KLHDC4: variants seen among roughly 807,000 people sequenced by gnomAD.
The protein encoded by KLHDC4 is kelch domain containing 4.
KLHDC4 carries 90 observed loss-of-function variants against 62.4 expected under a neutral mutation model. The ratio of observed to expected loss-of-function variants is 1.44; its 90% CI spans 1.22 to 1.72. The LOEUF is 1.72. Ranked by LOEUF, KLHDC4 falls within the 40% of genes most tolerant of loss-of-function variation. The pLI is 0.00. For missense variants in KLHDC4, 1,025 were observed against 699.7 expected (o/e 1.47, Z -5.25); for synonymous variants, 386 against 284.4 (o/e 1.36, Z -3.59).
intron 5 of KLHDC4, among the ~76,000 whole-genome samples, chr16:87,731,890 G>A (rs1436559921): frequency 6.6e-6 from 1 of 152,164 alleles, no homozygotes; most frequent in Non-Finnish European, 1.5e-5. Flanking sequence ...GATGCACACA[G>A]CAATGTGAAT....
intron 5 of KLHDC4, among the ~76,000 whole-genome samples, chr16:87,733,953 A>G (rs1007919238): frequency 2.0e-5 from 3 of 152,212 alleles, no homozygotes; most frequent in African/African-American, 7.2e-5. Context: ...TAGATAATGC[A>G]TTCTTCCTCC....
chr16:87,742,559 T>C (rs1043914096), intron 5 of KLHDC4, among the ~76,000 whole-genome samples: 1 of 152,186 alleles, frequency 6.6e-6, no homozygotes, highest in African/African-American at 2.4e-5. Context: ...ACCCCGTCTA[T>C]GGTCCACAGC....
chr16:87,711,502 C>A lies in KLHDC4; in HGVS notation c.836-59G>T, dbSNP rs924159674. 9.5e-6 allele frequency: 14 copies of A among 1,467,330 alleles called. No individual in the cohort carries two copies. The South Asian group carries it at 1.7e-4, about 18-fold the overall frequency. 90.9% of individuals were successfully genotyped at this position (1,467,330 alleles called of 1,614,324 possible). A position where few individuals can be genotyped will look rare whatever the true frequency, so the allele number is the denominator to read the frequency against. On this transcript the variant is annotated intron_variant, in intron 8 of 11. Transcript: ENST00000270583. ...CACAAGGAAGGACCCTGAGAGCCAG[C>A]CCAGGACACGCTCAGGACCCCAGGT...
chr16:87,726,818 T>C lies in KLHDC4; in HGVS notation c.706A>G (p.Met236Val), dbSNP rs375062705. The C allele has an allele frequency of 6.2e-7, 1 of 1,609,754 alleles. No homozygotes were observed. The highest frequency in any genetic ancestry group is 1.3e-5 in the African/African-American group (1 of 74,364). The change falls in exon 7 of 12, where the codon ATG becomes GTG. Residue 236 changes from methionine (M) to valine (V), a missense_variant. Met to Val is a conservative substitution (Grantham distance 21). Transcript: ENST00000270583. ...ATGCCGCCCTGGGGAGTGACGGACATCTGGCAGCCTGATCTGGGTGTGGGC... is the reference window on the plus strand; with the variant it reads ...ATGCCGCCCTGGGGAGTGACGGACACCTGGCAGCCTGATCTGGGTGTGGGC... ...TGPTPRSGCQ[M>V]SVTPQGGIVV... is the part of the protein sequence containing the mutation.
intron 6 of KLHDC4, 117 bp from the exon 7 acceptor site, chr16:87,727,041 C>A (rs1317757570): frequency 9.6e-7 from 1 of 1,040,904 alleles, no homozygotes; most frequent in East Asian, 2.7e-5. Context: ...AAAACTCAAA[C>A]CATTTTTCTC....
downstream of KLHDC4, among the ~76,000 whole-genome samples, chr16:87,705,898 G>A (rs1261001582): frequency 6.6e-6 from 1 of 152,244 alleles, no homozygotes; most frequent in African/African-American, 2.4e-5. Flanking sequence ...GACCTTGATT[G>A]CCCAGCACTC....
Position 87,725,288 on chromosome 16 carries a change from G to A in KLHDC4, c.759+1477C>T, listed in dbSNP as rs1014245946. On this transcript the variant is annotated intron_variant, in intron 7 of 11. Coordinates refer to ENST00000270583, the MANE Select transcript of KLHDC4 (RefSeq NM_017566.4). ...CCTCACTGTGGGTCAATGACGCATA[G>A]GAAATTACCACCGACTACAGGCGCC... Among the ~76,000 whole-genome samples the A allele has an allele frequency of 2.6e-5, 4 of 152,142 alleles. No homozygotes were observed. In the East Asian group the frequency reaches 7.7e-4, roughly 29 times the overall value.
Position 87,709,313 on chromosome 16 carries a change from C to T in KLHDC4, c.1399G>A (p.Asp467Asn), listed in dbSNP as rs1276963700. Reference sequence around the variant, plus strand: ...TTCCACGCCTCCATCCTGTGCAGGTCCAGGCAGTGCAGGTCGCTGAGGGTG... The same window carrying T: ...TTCCACGCCTCCATCCTGTGCAGGTTCAGGCAGTGCAGGTCGCTGAGGGTG... ...QVTLSDLHCL[D>N]LHRMEAWKAL... Residue 467 changes from aspartate (D) to asparagine (N), a missense_variant, in exon 10 of 12, where the codon GAC becomes AAC. Coordinates refer to ENST00000270583, the MANE Select transcript of KLHDC4 (RefSeq NM_017566.4). 1.2e-6 allele frequency: 2 copies of T among 1,613,280 alleles called. No individual in the cohort carries two copies. The highest frequency in any genetic ancestry group is 1.1e-5 in the South Asian group (1 of 91,080).
chr16:87,732,480 T>G (rs955304477), intron 5 of KLHDC4, among the ~76,000 whole-genome samples: 3 of 152,062 alleles, frequency 2.0e-5, no homozygotes, highest in Non-Finnish European at 1.5e-5. Flanking sequence ...TATGTCTCAA[T>G]AAAACTGATA....
At chr16:87,704,714 A>G (rs2034456783), downstream of KLHDC4, among the ~76,000 whole-genome samples, 1 of 147,994 alleles carries the variant, frequency 6.8e-6, no homozygotes, top group Non-Finnish European at 1.5e-5. Flanking sequence ...CAACTCAATT[A>G]AAAAAAAAAT....
chr16:87,725,400 C>G (rs1337315110), intron 7 of KLHDC4, among the ~76,000 whole-genome samples: 1 of 152,110 alleles, frequency 6.6e-6, no homozygotes, highest in East Asian at 1.9e-4. Context: ...CTCTTGACCT[C>G]GTGAGCCGCC....
At chr16:87,704,020 G>C (rs1276163405), downstream of KLHDC4, among the ~76,000 whole-genome samples, 3 of 152,234 alleles carry the variant, frequency 2.0e-5, no homozygotes, top group Non-Finnish European at 4.4e-5. Context: ...CATGCACAAA[G>C]GCAGGCAGGC....
downstream of KLHDC4, among the ~76,000 whole-genome samples, chr16:87,704,522 G>A (rs1164874152): frequency 7.2e-6 from 1 of 139,844 alleles, no homozygotes; most frequent in African/African-American, 2.7e-5. Context: ...AGGCGCCTGG[G>A]GAGGGCCCTG....
At chr16:87,735,514 C>T (rs1036032470) in intron 5 of KLHDC4, among the ~76,000 whole-genome samples, 2 of 152,202 alleles carry the variant, frequency 1.3e-5, no homozygotes. Context: ...GCATGGGAAC[C>T]CCACCAGAGT....
At chr16:87,714,668 C>CT in intron 7 of KLHDC4, 95 bp from the exon 8 acceptor site, 2 of 1,308,832 alleles carry the variant, frequency 1.5e-6, no homozygotes, top group Non-Finnish European at 2.2e-6. Context: ...ATGGAAGGGG[C>CT]TGGAGGCCTT....
chr16:87,739,723 C>G (rs1758438341), intron 5 of KLHDC4: 1 of 152,434 alleles, frequency 6.6e-6, no homozygotes, highest in African/African-American at 2.4e-5. Context: ...CACGTCCTGA[C>G]AGCACCACGC....
At chr16:87,711,113 CTT>C (rs2035721887) in intron 9 of KLHDC4, 120 bp downstream of exon 9, 2 of 917,558 alleles carry the variant, frequency 2.2e-6, no homozygotes, top group Non-Finnish European at 1.7e-6. Flanking sequence ...CCTCGCCCCT[CTT>C]GAGAGAGCTC....
chr16:87,727,061 T>A, intron 6 of KLHDC4, 137 bp from the exon 7 acceptor site: 1 of 857,500 alleles, frequency 1.2e-6, no homozygotes, highest in Non-Finnish European at 1.8e-6. Context: ...CCTCTGCTCT[T>A]ACACCAACAC....
At chr16:87,705,062 G>T (rs1020032031), downstream of KLHDC4, among the ~76,000 whole-genome samples, 1 of 152,182 alleles carries the variant, frequency 6.6e-6, no homozygotes, top group Admixed American at 6.5e-5. Context: ...CTGCAGTCAG[G>T]GGTCTGGGGG....
Sources: allele counts gnomAD v4.1 joint callset (sites outside exome capture counted in the v4.1 genomes callset), GRCh38; gene constraint gnomAD v4.1.1; transcripts MANE v1.5; gene names NCBI Gene and HGNC (gene_info 2026-07-23, HGNC 2026-07-21).